NBPF15: variants seen among roughly 807,000 people sequenced by gnomAD.
NBPF15 encodes NBPF family member NBPF15.
NBPF15 carries 74 observed loss-of-function variants against 62.2 expected under a neutral mutation model. The ratio of observed to expected loss-of-function variants is 1.19; its 90% CI spans 0.99 to 1.44. The LOEUF is 1.44. NBPF15 is among the 40% of genes most tolerant of loss of function. The pLI is 0.00. For missense variants in NBPF15, 790 were observed against 550.0 expected, an observed-to-expected ratio of 1.44 and a Z score of -4.36; for synonymous variants, 244 against 209.7, an observed-to-expected ratio of 1.16 and a Z score of -1.41.
At chr1:144,442,144 T>TA (rs1342988646) in intron 6 of NBPF15, among the ~76,000 whole-genome samples, 146 of 11,564 alleles carry the variant, frequency 0.013, 8 homozygotes, top group East Asian at 0.082. Flanking sequence ...TATATATATA[T>TA]ATAATATATA....
intron 6 of NBPF15, among the ~76,000 whole-genome samples, chr1:144,447,561 A>C (rs1406342343): frequency 7.2e-5 from 11 of 151,784 alleles, no homozygotes; most frequent in Non-Finnish European, 1.5e-4. Flanking sequence ...ACAAGCCCCA[A>C]GTGGCATAAG....
At position 144,426,429 on chromosome 1, in the gene NBPF15, A is replaced by G. The variant is rs781810130; in HGVS notation, c.1287T>C (p.Asp429=). The G allele has an allele frequency of 2.5e-6, 2 of 799,934 alleles. No homozygotes were observed. The highest frequency in any genetic ancestry group is 1.7e-5 in the Admixed American group (1 of 58,280). The allele number at this position is 799,934 out of a possible 1,614,324, so 49.6% of individuals were successfully genotyped here. A position where few individuals can be genotyped will look rare whatever the true frequency, so the allele number is the denominator to read the frequency against. Residue 429 remains aspartate, a synonymous_variant, in exon 18 of 22, where the codon GAT becomes GAC. Coordinates refer to ENST00000581897, the MANE Select transcript of NBPF15 (RefSeq NM_001385408.1). ...CCTGCAAGACTTCAGGCTCTTTCTC[A>G]TCCAGCAGCTCCCTGCTGAGCCTGG... ...SCPRLSRELL[D]EKEPEVLQDS...
chr1:144,432,716 C>T (rs1429949394), intron 13 of NBPF15, among the ~76,000 whole-genome samples: 2 of 151,974 alleles, frequency 1.3e-5, no homozygotes, highest in African/African-American at 4.8e-5. Flanking sequence ...CAAAGAAGGC[C>T]ACTACATAAT....
intron 13 of NBPF15, among the ~76,000 whole-genome samples, chr1:144,433,117 C>T (rs1466948466): frequency 2.6e-5 from 4 of 151,990 alleles, no homozygotes; most frequent in Non-Finnish European, 5.9e-5. Context: ...GACCACAGTG[C>T]CATCAAATTA....
intron 6 of NBPF15, among the ~76,000 whole-genome samples, chr1:144,444,665 T>A (rs1250961607): frequency 6.6e-6 from 1 of 151,896 alleles, no homozygotes; most frequent in Admixed American, 6.6e-5. Context: ...CACATACACA[T>A]ATAGCTTAGA....
intron 8 of NBPF15, among the ~76,000 whole-genome samples, chr1:144,438,738 C>T (rs1680567856): frequency 6.6e-6 from 1 of 151,836 alleles, no homozygotes; most frequent in Non-Finnish European, 1.5e-5. Context: ...CAGCAATTTA[C>T]AGAGGTAGGT....
chr1:144,442,178 A>AT (rs1683697079), intron 6 of NBPF15, among the ~76,000 whole-genome samples: 1 of 109,416 alleles, frequency 9.1e-6, no homozygotes, highest in African/African-American at 3.9e-5. Context: ...ATATATATAT[A>AT]TAATATATAT....
rs1553538466 is a variant in NBPF15, at chr1:144,422,962, C to T, written c.*51G>A. The T allele has an allele frequency of 5.0e-6, 8 of 1,611,576 alleles. No individual in the cohort carries two copies. Among genetic ancestry groups the T allele is most frequent in the South Asian group, 1.1e-5 (1 of 90,938 alleles). ...GTACTTTCATTCAAATCTTCTCGTG[C>T]CTATAGGTCCTGCCTGCAGGAATGA... On this transcript the variant is annotated 3_prime_UTR_variant, in exon 22 of 22. Transcript: ENST00000581897.
intron 21 of NBPF15, among the ~76,000 whole-genome samples, 153 bp from the exon 22 acceptor site, chr1:144,423,409 T>C (rs1347617151): frequency 1.3e-3 from 193 of 151,680 alleles, no homozygotes; most frequent in African/African-American, 4.5e-3. Context: ...TGCCTTTATG[T>C]TGGGATAGAA....
chr1:144,446,086 C>G (rs1687344844), intron 6 of NBPF15, among the ~76,000 whole-genome samples: 1 of 151,026 alleles, frequency 6.6e-6, no homozygotes, highest in Non-Finnish European at 1.5e-5. Context: ...ATCTCCTGAC[C>G]TCATGATCTG....
At chr1:144,456,065 G>A (rs367649603) in intron 4 of NBPF15, among the ~76,000 whole-genome samples, 12,151 of 151,774 alleles carry the variant, frequency 0.08, 1,280 homozygotes, top group African/African-American at 0.24. Context: ...ACATCTAGAG[G>A]GCACTGCCTA....
At chr1:144,442,180 A>AT (rs1165418667) in intron 6 of NBPF15, among the ~76,000 whole-genome samples, 8 of 96,372 alleles carry the variant, frequency 8.3e-5, no homozygotes, top group Admixed American at 4.6e-4. Flanking sequence ...ATATATATAT[A>AT]ATATATATAC....
intron 6 of NBPF15, among the ~76,000 whole-genome samples, chr1:144,441,004 ATTTG>A (rs1389288619): frequency 5.3e-5 from 8 of 151,616 alleles, no homozygotes; most frequent in African/African-American, 1.9e-4. Flanking sequence ...TATGCCACTA[ATTTG>A]TTTGATTGTG....
At chr1:144,434,901 A>G (rs1412447619) in intron 12 of NBPF15, among the ~76,000 whole-genome samples, 3 of 152,030 alleles carry the variant, frequency 2.0e-5, no homozygotes, top group Non-Finnish European at 4.4e-5. Flanking sequence ...TGAGATTGTC[A>G]CACTTGCCTG....
chr1:144,427,448 T>G lies in NBPF15; in HGVS notation c.1214-350A>C, dbSNP rs1404117215. On this transcript the variant is annotated intron_variant, in intron 16 of 21. Transcript: ENST00000581897. ...TATTCAGCCCTGTCTCATCAAATACTCAGATTGTTCATGGTAGCAAGGATT... is the reference window on the plus strand; with the variant it reads ...TATTCAGCCCTGTCTCATCAAATACGCAGATTGTTCATGGTAGCAAGGATT... Among the ~76,000 whole-genome samples the G allele has an allele frequency of 5.3e-5, 8 of 149,618 alleles. No individual in the cohort carries two copies. In the Middle Eastern group the frequency reaches 0.014, roughly 258 times the overall value.
chr1:144,428,220 G>A (rs1231101751), intron 15 of NBPF15, among the ~76,000 whole-genome samples: 3 of 150,548 alleles, frequency 2.0e-5, no homozygotes, highest in African/African-American at 7.5e-5. Flanking sequence ...CACAGAGCGA[G>A]CTCAGTGAAT....
At chr1:144,455,147 G>T (rs1553546563) in intron 4 of NBPF15, among the ~76,000 whole-genome samples, 2 of 148,880 alleles carry the variant, frequency 1.3e-5, no homozygotes, top group African/African-American at 5.0e-5. Flanking sequence ...AAGAAAAGGA[G>T]GGAGGGAGGA....
At chr1:144,461,325 A>G (rs1652902000) in intron 1 of NBPF15, 56 bp downstream of exon 1, 1 of 151,324 alleles carries the variant, frequency 6.6e-6, no homozygotes, top group Admixed American at 6.6e-5. Context: ...GCTCGCAACA[A>G]AACTTGCGAC....
At chr1:144,445,800 CA>C (rs1553543887) in intron 6 of NBPF15, among the ~76,000 whole-genome samples, 1 of 147,940 alleles carries the variant, frequency 6.8e-6, no homozygotes, top group Non-Finnish European at 1.5e-5. Context: ...TTTCTCAAAG[CA>C]ATTTTTTGTA....
Sources: gnomAD v4.1 joint callset for allele counts (sites outside exome capture counted in the v4.1 genomes callset) on GRCh38, gnomAD v4.1.1 for gene constraint, MANE v1.5 for transcripts, NCBI Gene and HGNC (gene_info 2026-07-23, HGNC 2026-07-21) for gene names.